The following ANKRD29 variants were observed in gnomAD, a reference collection of about 807,000 sequenced individuals.
ANKRD29 encodes ankyrin repeat domain-containing protein 29.
ANKRD29 carries 32 observed loss-of-function variants against 38.0 expected under a neutral mutation model. The observed-to-expected ratio is 0.84, with a 90% confidence interval of 0.64 to 1.13. The LOEUF (loss-of-function observed/expected upper bound fraction) is 1.13. ANKRD29 is among the 50% of genes most tolerant of loss of function. The probability of loss-of-function intolerance (pLI) is 0.00; values close to 1 mark genes in which losing one functional copy is unlikely to be tolerated. For missense variants in ANKRD29, 357 were observed against 377.9 expected (o/e 0.94, Z 0.46); for synonymous variants, 135 against 152.4 (o/e 0.89, Z 0.84).
At chr18:23,628,747 G>T (rs2059892219) in intron 6 of ANKRD29, among the ~76,000 whole-genome samples, 1 of 151,136 alleles carries the variant, frequency 6.6e-6, no homozygotes. Context: ...GGAGGCTGAG[G>T]CACAAGAACC....
At chr18:23,616,634 T>TATATATAATATATTTATATATA (rs2059726205) in intron 8 of ANKRD29, among the ~76,000 whole-genome samples, 1 of 142,408 alleles carries the variant, frequency 7.0e-6, no homozygotes, top group South Asian at 2.3e-4. Context: ...AAATACATTC[T>TATATATAATATATTTATATATA]GTAGTATATA....
intron 9 of ANKRD29, among the ~76,000 whole-genome samples, chr18:23,604,814 C>G (rs1029273466): frequency 2.6e-5 from 4 of 152,180 alleles, no homozygotes; most frequent in Non-Finnish European, 5.9e-5. Context: ...CAGGCGTGAG[C>G]CACCGTTCCT....
At chr18:23,649,702 C>T (rs2060186784) in intron 1 of ANKRD29, among the ~76,000 whole-genome samples, 1 of 152,138 alleles carries the variant, frequency 6.6e-6, no homozygotes, top group African/African-American at 2.4e-5. Flanking sequence ...GAATGTTTCA[C>T]TTTTCCTCCA....
intron 6 of ANKRD29, among the ~76,000 whole-genome samples, chr18:23,628,966 C>CT (rs1291546494): frequency 3.3e-5 from 5 of 151,830 alleles, no homozygotes; most frequent in Non-Finnish European, 7.4e-5. Context: ...CATTTCTGTT[C>CT]TTTTTTCTTC....
intron 3 of ANKRD29, among the ~76,000 whole-genome samples, chr18:23,642,316 CTT>C (rs2060088344): frequency 6.6e-6 from 1 of 152,054 alleles, no homozygotes; most frequent in Admixed American, 6.5e-5. Context: ...ATGATATCCT[CTT>C]TGGGGCTCTG....
At chr18:23,615,600 T>C (rs2059700375) in intron 8 of ANKRD29, among the ~76,000 whole-genome samples, 1 of 151,884 alleles carries the variant, frequency 6.6e-6, no homozygotes, top group Non-Finnish European at 1.5e-5. Context: ...TTTGTGGAGA[T>C]GGAGTCTAGC....
intron 3 of ANKRD29, among the ~76,000 whole-genome samples, chr18:23,641,345 A>C (rs925921987): frequency 6.6e-6 from 1 of 152,192 alleles, no homozygotes; most frequent in African/African-American, 2.4e-5. Flanking sequence ...TTACCCCCAC[A>C]GGCTTGGAAG....
chr18:23,649,020 G>A (rs1367190549), intron 2 of ANKRD29, 63 bp downstream of exon 2: 2 of 1,328,288 alleles, frequency 1.5e-6, no homozygotes, highest in African/African-American at 1.5e-5. Flanking sequence ...TATTCCTGAG[G>A]TGCTCCTGTG....
intron 9 of ANKRD29, among the ~76,000 whole-genome samples, chr18:23,608,830 G>A (rs1599058940): frequency 1.3e-5 from 2 of 152,162 alleles, no homozygotes; most frequent in African/African-American, 4.8e-5. Flanking sequence ...TTAGCTACAA[G>A]ATTAGAAATT....
intron 3 of ANKRD29, among the ~76,000 whole-genome samples, chr18:23,645,368 G>A (rs2060125579): frequency 6.6e-6 from 1 of 152,176 alleles, no homozygotes; most frequent in South Asian, 2.1e-4. Context: ...GAGGTCAGGA[G>A]ATCGAGACCA....
intron 6 of ANKRD29, among the ~76,000 whole-genome samples, chr18:23,626,608 G>A (rs1370070339): frequency 6.6e-6 from 1 of 152,168 alleles, no homozygotes; most frequent in Admixed American, 6.5e-5. Context: ...CAATATGGAA[G>A]GAAAATATTT....
intron 6 of ANKRD29, among the ~76,000 whole-genome samples, chr18:23,622,306 G>A (rs2059806502): frequency 6.6e-6 from 1 of 152,134 alleles, no homozygotes; most frequent in Non-Finnish European, 1.5e-5. Flanking sequence ...AGGGGTGCGG[G>A]TGGGACCCTG....
chr18:23,632,709 A>ATT (rs2059949768), intron 5 of ANKRD29, among the ~76,000 whole-genome samples: 1 of 151,954 alleles, frequency 6.6e-6, no homozygotes, highest in Admixed American at 6.6e-5. Flanking sequence ...TCAAAATAGT[A>ATT]TTTTTTTAAA....
chr18:23,642,180 AT>A (rs2060086511), intron 3 of ANKRD29, among the ~76,000 whole-genome samples: 1 of 151,928 alleles, frequency 6.6e-6, no homozygotes, highest in South Asian at 2.1e-4. Flanking sequence ...GACCTGGCGA[AT>A]GACCCTGTTT....
At chr18:23,657,650 T>C (rs1037784927) in intron 1 of ANKRD29, among the ~76,000 whole-genome samples, 5 of 152,198 alleles carry the variant, frequency 3.3e-5, no homozygotes, top group African/African-American at 9.7e-5. Context: ...GATTTGCCGA[T>C]TTTGGACATT....
At chr18:23,632,533 G>GTATATATATATATATATATATATATA (rs61584775) in intron 5 of ANKRD29, among the ~76,000 whole-genome samples, 18 of 130,928 alleles carry the variant, frequency 1.4e-4, no homozygotes, top group East Asian at 1.3e-3. Context: ...GTGTGTGTGT[G>GTATATATATATATATATATATATATA]TATATATATA....
At chr18:23,615,058 G>A (rs1006299370) in intron 8 of ANKRD29, among the ~76,000 whole-genome samples, 6 of 152,280 alleles carry the variant, frequency 3.9e-5, no homozygotes, top group Non-Finnish European at 8.8e-5. Context: ...GTTTCACTCC[G>A]TTGCCCTGGC....
chr18:23,630,628 A>G (rs2059918865), intron 5 of ANKRD29, among the ~76,000 whole-genome samples: 1 of 152,014 alleles, frequency 6.6e-6, no homozygotes. Flanking sequence ...CTCAAAATAA[A>G]TAAAATAAAA....
intron 3 of ANKRD29, among the ~76,000 whole-genome samples, chr18:23,642,407 G>A (rs921560816): frequency 6.6e-6 from 1 of 152,068 alleles, no homozygotes; most frequent in Non-Finnish European, 1.5e-5. Context: ...CGGTACATCT[G>A]GTCCAGCCAC....
Sources: gnomAD v4.1 joint callset for allele counts (sites outside exome capture counted in the v4.1 genomes callset) on GRCh38, gnomAD v4.1.1 for gene constraint, MANE v1.5 for transcripts, NCBI Gene and HGNC (gene_info 2026-07-23, HGNC 2026-07-21) for gene names.